Variants in TANC2 observed in about 807,000 individuals in gnomAD.
The protein encoded by TANC2 is protein TANC2.
TANC2 carries 26 observed loss-of-function variants against 210.5 expected under a neutral mutation model. The observed-to-expected ratio is 0.12, with a 90% confidence interval of 0.09 to 0.17. TANC2 has a LOEUF of 0.17. TANC2 is among the 10% of genes least tolerant of loss of function. The pLI is 1.00. For synonymous variants in TANC2, 931 were observed against 967.1 expected (o/e 0.96, Z 0.69); for missense variants, 2,129 against 2,608.9 (o/e 0.82, Z 4.01).
At chr17:63,063,653 A>G (rs992461226) in intron 2 of TANC2, among the ~76,000 whole-genome samples, 6 of 140,562 alleles carry the variant, frequency 4.3e-5, no homozygotes, top group South Asian at 2.3e-4. Flanking sequence ...CTCTTACAAT[A>G]TCACACTTTG....
chr17:63,106,876 A>T (rs929755950), intron 4 of TANC2, among the ~76,000 whole-genome samples: 12 of 151,580 alleles, frequency 7.9e-5, no homozygotes, highest in African/African-American at 2.9e-4. Flanking sequence ...TATTTATAGT[A>T]TTGTAGTGTT....
At chr17:63,359,297 A>C (rs1052642799) in intron 14 of TANC2, among the ~76,000 whole-genome samples, 4 of 148,472 alleles carry the variant, frequency 2.7e-5, no homozygotes, top group Non-Finnish European at 5.9e-5. Context: ...CCATCCACCC[A>C]CCTTGTCCTC....
chr17:63,168,226 G>A (rs1255394403), intron 5 of TANC2, among the ~76,000 whole-genome samples: 2 of 152,174 alleles, frequency 1.3e-5, no homozygotes, highest in African/African-American at 4.8e-5. Context: ...ATCAAAGAAG[G>A]CAGTAGTTTC....
chr17:63,103,789 A>G (rs940814481), intron 4 of TANC2, among the ~76,000 whole-genome samples: 1 of 152,214 alleles, frequency 6.6e-6, no homozygotes. Flanking sequence ...TTAATGAGTA[A>G]TAGCAATAAT....
chr17:63,421,679 C>T lies in TANC2; in HGVS notation c.5949C>T (p.Asn1983=). Residue 1983 remains asparagine, a synonymous_variant, in exon 28 of 28, where the codon AAC becomes AAT. Coordinates refer to ENST00000689528, the Ensembl canonical transcript of TANC2. This position sits in a 1 kb window ranked among gnomAD's most constrained non-coding sequence, Gnocchi z 6.9. ...TCAGTCCACCATCATCCATCAGCAA[C>T]ATTGCCTTTTATAACAAAACCAACA... is the stretch of plus-strand genomic sequence containing the variant. 6.2e-7 allele frequency: 1 copy of T among 1,614,052 alleles called. No individual in the cohort carries two copies. Among genetic ancestry groups the T allele is most frequent in the Non-Finnish European group, 8.5e-7 (1 of 1,179,900 alleles).
intron 9 of TANC2, among the ~76,000 whole-genome samples, chr17:63,285,111 T>G (rs1598773950): frequency 6.6e-6 from 1 of 152,132 alleles, no homozygotes; most frequent in East Asian, 1.9e-4. Flanking sequence ...TTTAGCCTAT[T>G]TGTTTATTTA....
chr17:63,310,836 C>T (rs1163299801), intron 9 of TANC2, among the ~76,000 whole-genome samples: 1 of 152,142 alleles, frequency 6.6e-6, no homozygotes, highest in East Asian at 1.9e-4. Flanking sequence ...TTTCACGCAA[C>T]CAGGATAATC....
intron 9 of TANC2, among the ~76,000 whole-genome samples, chr17:63,303,218 G>A (rs547964721): frequency 6.6e-5 from 10 of 152,150 alleles, no homozygotes; most frequent in African/African-American, 9.7e-5. Context: ...ATTTTGGTGT[G>A]TTTTTGCAGT....
intron 15 of TANC2, among the ~76,000 whole-genome samples, chr17:63,385,303 C>A (rs763037194): frequency 5.3e-5 from 8 of 152,116 alleles, no homozygotes; most frequent in Non-Finnish European, 1.0e-4. Flanking sequence ...TATAGTTTAT[C>A]ATTCCTCAAA....
intron 5 of TANC2, among the ~76,000 whole-genome samples, chr17:63,186,148 A>G (rs1425594331): frequency 6.6e-6 from 1 of 152,148 alleles, no homozygotes; most frequent in Non-Finnish European, 1.5e-5. Flanking sequence ...CCAATACTTG[A>G]AAACACTCTC....
At position 63,339,741 on chromosome 17, in the gene TANC2, A is replaced by G. The variant is rs545519305; in HGVS notation, c.1576-360A>G. Among the ~76,000 whole-genome samples, 102 of 152,162 alleles carry G rather than the reference A, an allele frequency of 6.7e-4. 2 individuals are homozygous for G. The South Asian group carries it at 0.019, about 29-fold the overall frequency. ...TTGTTTAAAGATTAGACTATTTCCT[A>G]TACTGCTCCATGCTGAATAAATGTT... On this transcript the variant is annotated intron_variant, in intron 11 of 27. Transcript: ENST00000689528.
chr17:62,986,351 G>T (rs2032565033), intron 1 of TANC2, among the ~76,000 whole-genome samples: 2 of 152,234 alleles, frequency 1.3e-5, no homozygotes, highest in Middle Eastern at 6.8e-3. Flanking sequence ...GGACGTGCCT[G>T]CCAGGAGCAG....
At chr17:63,086,183 G>C (rs1193263982) in intron 3 of TANC2, among the ~76,000 whole-genome samples, 1 of 152,038 alleles carries the variant, frequency 6.6e-6, no homozygotes, top group East Asian at 1.9e-4. Flanking sequence ...ATTTTCTGAA[G>C]TTTGAATGTG....
intron 5 of TANC2, among the ~76,000 whole-genome samples, chr17:63,169,269 TGTTA>T (rs1310290237): frequency 6.6e-6 from 1 of 152,250 alleles, no homozygotes; most frequent in African/African-American, 2.4e-5. Flanking sequence ...CTATTACTTA[TGTTA>T]GTTCTTTTGT....
intron 1 of TANC2, among the ~76,000 whole-genome samples, chr17:62,975,903 G>A (rs923617146): frequency 6.6e-6 from 1 of 151,850 alleles, no homozygotes; most frequent in African/African-American, 2.4e-5. Context: ...TTTCTTTTTT[G>A]ATATATGCCA....
intron 2 of TANC2, among the ~76,000 whole-genome samples, chr17:63,015,493 G>T (rs1053757429): frequency 2.0e-5 from 3 of 151,776 alleles, no homozygotes; most frequent in African/African-American, 7.3e-5. Context: ...ACAGGCCCCA[G>T]TGTGTGATGT....
intron 21 of TANC2, among the ~76,000 whole-genome samples, chr17:63,410,592 A>G (rs1235017421): frequency 2.0e-5 from 3 of 152,094 alleles, no homozygotes; most frequent in Non-Finnish European, 4.4e-5. Flanking sequence ...TGCTCAGCTC[A>G]GAAAACATTC....
At chr17:63,386,640 G>A (rs980365118) in intron 15 of TANC2, among the ~76,000 whole-genome samples, 1 of 152,040 alleles carries the variant, frequency 6.6e-6, no homozygotes, top group African/African-American at 2.4e-5. Context: ...TTGTTTATAT[G>A]CACTTGTATG....
intron 4 of TANC2, chr17:63,148,512 A>G (rs779596794): frequency 1.5e-4 from 23 of 152,186 alleles, no homozygotes; most frequent in Non-Finnish European, 3.1e-4. Flanking sequence ...CTAAGCCGAT[A>G]TGCATTCATC....
Sources: gnomAD v4.1 joint callset for allele counts (sites outside exome capture counted in the v4.1 genomes callset) on GRCh38, gnomAD v4.1.1 for gene constraint, Gnocchi (gnomAD v3.1) non-coding constraint, MANE v1.5 for transcripts, NCBI Gene and HGNC (gene_info 2026-07-23, HGNC 2026-07-21) for gene names.